DAB1: variants seen among roughly 807,000 people sequenced by gnomAD.
DAB1 encodes the protein disabled homolog 1.
In DAB1, 15 loss-of-function variants were observed where a neutral mutation model predicts 64.6. That is an observed-to-expected ratio of 0.23 (90% confidence interval 0.16 to 0.36). DAB1 has a LOEUF of 0.36. Ranked by LOEUF, DAB1 falls within the 10% of genes least tolerant of loss-of-function variation. The probability of loss-of-function intolerance (pLI) is 1.00; values close to 1 mark genes in which losing one functional copy is unlikely to be tolerated. For missense variants in DAB1, 596 were observed against 706.7 expected, an observed-to-expected ratio of 0.84 and a Z score of 1.78; for synonymous variants, 235 against 251.9, an observed-to-expected ratio of 0.93 and a Z score of 0.64.
chr1:57,840,581 T>C (rs1359122708), intron 1 of DAB1, among the ~76,000 whole-genome samples: 3 of 152,198 alleles, frequency 2.0e-5, no homozygotes, highest in Admixed American at 2.0e-4. Flanking sequence ...TGACTCACAG[T>C]TCCACATGGC....
At chr1:58,490,559 A>T (rs1293444885) in intron 3 of DAB1, among the ~76,000 whole-genome samples, 1 of 152,204 alleles carries the variant, frequency 6.6e-6, no homozygotes, top group East Asian at 1.9e-4. Context: ...CTAGCAAGGC[A>T]GGCCAACATT....
Position 58,397,633 on chromosome 1 carries a change from C to A in DAB1, n.258-54230G>T, listed in dbSNP as rs760120597. Among the ~76,000 whole-genome samples, 6 of 152,352 alleles carry A rather than the reference C, an allele frequency of 3.9e-5. No individual in the cohort carries two copies. The South Asian group carries it at 1.2e-3, about 32-fold the overall frequency. The stretch of plus-strand genomic sequence containing the variant: ...GCCACTGGTGTCTTCAACATAGACA[C>A]AGCTTGACTCATAGCATTCCTGCCT... On this transcript the variant is annotated intron_variant and non_coding_transcript_variant, in intron 3 of 20. Coordinates refer to the DAB1 transcript ENST00000485760.
intron 2 of DAB1, among the ~76,000 whole-genome samples, chr1:58,517,984 C>T (rs951611084): frequency 6.6e-6 from 1 of 151,084 alleles, no homozygotes; most frequent in African/African-American, 2.4e-5. Flanking sequence ...GTTGGGAGTT[C>T]GAGACCAGCC....
At chr1:57,108,319 G>A (rs1171528446) in intron 4 of DAB1, among the ~76,000 whole-genome samples, 2 of 152,094 alleles carry the variant, frequency 1.3e-5, no homozygotes, top group Non-Finnish European at 2.9e-5. Context: ...TCCCAGAAAC[G>A]TTTCATTACT....
At chr1:57,884,172 A>C (rs2101973439), upstream of DAB1, 1 of 152,532 alleles carries the variant, frequency 6.6e-6, no homozygotes, top group South Asian at 2.1e-4. Context: ...GCTGCAATGA[A>C]AAAACGATGT....
chr1:57,412,497 C>T (rs546785143), intron 1 of DAB1, among the ~76,000 whole-genome samples: 48 of 152,288 alleles, frequency 3.2e-4, no homozygotes, highest in African/African-American at 1.1e-3. Flanking sequence ...GTACTTATTT[C>T]TCAGGGCAAA....
At chr1:57,855,077 G>C (rs1653692614) in intron 1 of DAB1, among the ~76,000 whole-genome samples, 1 of 152,108 alleles carries the variant, frequency 6.6e-6, no homozygotes. Flanking sequence ...CTTGAGAAAA[G>C]GGACAGCAGG....
chr1:58,158,350 A>G (rs1382822685), intron 4 of DAB1, among the ~76,000 whole-genome samples: 1 of 152,208 alleles, frequency 6.6e-6, no homozygotes, highest in Non-Finnish European at 1.5e-5. Flanking sequence ...CAGAGCAGAG[A>G]TAAATTCAAA....
chr1:57,748,862 T>A (rs563242444), intron 6 of DAB1, among the ~76,000 whole-genome samples: 1 of 152,236 alleles, frequency 6.6e-6, no homozygotes, highest in Non-Finnish European at 1.5e-5. Flanking sequence ...GGAAATCTTT[T>A]CATGCAGGCT....
intron 5 of DAB1, among the ~76,000 whole-genome samples, chr1:58,025,657 A>ATATATATGTG (rs1646882262): frequency 8.0e-6 from 1 of 125,272 alleles, no homozygotes; most frequent in Admixed American, 8.6e-5. Context: ...GTGTGTATAT[A>ATATATATGTG]TATATATATA....
rs189778095 is a variant in DAB1 at position 57,623,292 on chromosome 1, T to G, written n.625+26300A>C. ...ATCTCCAAATTAACTCATACGCCCC[T>G]GTCTCTTCTTCAGCACCGAGGCAGG... On this transcript the variant is annotated intron_variant and non_coding_transcript_variant, in intron 7 of 20. Coordinates refer to the DAB1 transcript ENST00000485760. Among the ~76,000 whole-genome samples the G allele has an allele frequency of 1.1e-3, 161 of 152,294 alleles. 3 individuals are homozygous for G. The highest frequency in any genetic ancestry group is 0.011 in the Admixed American group (161 of 15,296).
intron 5 of DAB1, among the ~76,000 whole-genome samples, chr1:57,914,037 T>C (rs1163108332): frequency 1.3e-5 from 2 of 152,178 alleles, no homozygotes; most frequent in Admixed American, 6.5e-5. Context: ...GTCAGTGTGG[T>C]GATTCCTCAG....
intron 1 of DAB1, among the ~76,000 whole-genome samples, chr1:58,544,016 C>G (rs149803710): frequency 1.3e-5 from 2 of 152,130 alleles, no homozygotes; most frequent in African/African-American, 4.8e-5. Flanking sequence ...AGGGTCCAGG[C>G]AAGTGAATAT....
chr1:57,516,262 A>G (rs1398158567), intron 7 of DAB1, among the ~76,000 whole-genome samples: 1 of 152,222 alleles, frequency 6.6e-6, no homozygotes, highest in Non-Finnish European at 1.5e-5. Flanking sequence ...CTTTTGCCAG[A>G]GGACAATTAA....
intron 4 of DAB1, among the ~76,000 whole-genome samples, chr1:57,108,385 C>T (rs1292712288): frequency 3.3e-5 from 5 of 152,274 alleles, no homozygotes; most frequent in African/African-American, 4.8e-5. Flanking sequence ...GTTTGGAACA[C>T]GTTTTCTCTG....
intron 5 of DAB1, among the ~76,000 whole-genome samples, chr1:57,938,253 A>C (rs74863499): frequency 0.018 from 2,687 of 152,306 alleles, 43 homozygotes; most frequent in East Asian, 0.082. Context: ...TGCTCAGTAC[A>C]GGGTTTTAAA....
At chr1:57,169,833 T>G (rs1172197474) in intron 2 of DAB1, among the ~76,000 whole-genome samples, 1 of 152,080 alleles carries the variant, frequency 6.6e-6, no homozygotes, top group Non-Finnish European at 1.5e-5. Flanking sequence ...ACTCCTACCC[T>G]GCTCCTCAGC....
intron 6 of DAB1, among the ~76,000 whole-genome samples, chr1:57,689,143 C>A (rs994851852): frequency 6.6e-6 from 1 of 152,104 alleles, no homozygotes; most frequent in East Asian, 1.9e-4. Flanking sequence ...TCCTTCCCAG[C>A]TAATTAAATG....
rs976140041 is a variant in DAB1, at chr1:56,996,942, G to C, written c.*1202C>G. 2 of 151,734 alleles carry C rather than the reference G, an allele frequency of 1.3e-5. No individual in the cohort carries two copies. The highest frequency in any genetic ancestry group is 1.5e-5 in the Non-Finnish European group (1 of 67,970). 9.4% of individuals were successfully genotyped at this position (151,734 alleles called of 1,614,324 possible). A position where few individuals can be genotyped will look rare whatever the true frequency, so the allele number is the denominator to read the frequency against. ...AAGCCATTTCCCTTAAATATTTAAA[G>C]AGTTTAATGGTAAGGTTTTTTTTTC... On this transcript the variant is annotated 3_prime_UTR_variant, in exon 15 of 15. Coordinates refer to ENST00000371236, the MANE Select transcript of DAB1 (RefSeq NM_001365792.1).
Sources: allele counts gnomAD v4.1 joint callset (sites outside exome capture counted in the v4.1 genomes callset), GRCh38; gene constraint gnomAD v4.1.1; transcripts MANE v1.5; gene names NCBI Gene and HGNC (gene_info 2026-07-23, HGNC 2026-07-21).